Variants in RPA1 observed in about 807,000 individuals in gnomAD.
RPA1 encodes the protein replication protein A1, also known as replication protein A 70 kDa DNA-binding subunit.
Under a neutral mutation model 83.0 loss-of-function variants are expected in RPA1, and 49 were observed. The observed-to-expected ratio is 0.59, with a 90% CI of 0.47 to 0.75. The LOEUF (loss-of-function observed/expected upper bound fraction) is 0.75. Ranked by LOEUF, RPA1 falls within the 30% of genes least tolerant of loss-of-function variation. The probability of loss-of-function intolerance (pLI) is 0.00; values close to 1 mark genes in which losing one functional copy is unlikely to be tolerated. For missense variants in RPA1, 693 were observed against 776.1 expected (o/e 0.89, Z 1.27); for synonymous variants, 279 against 281.8 (o/e 0.99, Z 0.10).
chr17:1,886,172 A>G (rs1001829383), intron 13 of RPA1, among the ~76,000 whole-genome samples: 6 of 152,214 alleles, frequency 3.9e-5, no homozygotes, highest in African/African-American at 1.4e-4. Context: ...GAACAGGTGC[A>G]TTGTCAATGA....
intron 12 of RPA1, among the ~76,000 whole-genome samples, chr17:1,881,632 C>T (rs960493868): frequency 2.6e-5 from 4 of 152,146 alleles, no homozygotes; most frequent in African/African-American, 9.7e-5. Flanking sequence ...CTCTGGAGTT[C>T]GACTCCAGGT....
At chr17:1,889,335 A>AT (rs11393139) in intron 14 of RPA1, among the ~76,000 whole-genome samples, 117,386 of 146,914 alleles carry the variant, frequency 0.8, 47,911 homozygotes, top group Non-Finnish European at 0.9. Flanking sequence ...GTTTAAAAAA[A>AT]TTTTTTTTTT....
chr17:1,898,445 A>AT lies in RPA1; in HGVS notation c.*1271dup, dbSNP rs1166926627. The AT allele has an allele frequency of 6.6e-6, 1 of 152,382 alleles. No individual in the cohort carries two copies. The highest frequency in any genetic ancestry group is 6.5e-5 in the Admixed American group (1 of 15,310). The allele number at this position is 152,382 out of a possible 1,614,324, so 9.4% of individuals were successfully genotyped here. Reference sequence around the variant, plus strand: ...ATGCTCGCTCTGTGTGTTCCTAATCATATTAATTATCTATCCGGTGGCTGC... The same window carrying AT: ...ATGCTCGCTCTGTGTGTTCCTAATCATTATTAATTATCTATCCGGTGGCTGC... On this transcript the variant is annotated 3_prime_UTR_variant, in exon 17 of 17. Transcript: ENST00000254719.
chr17:1,892,067 C>T (rs548718874), intron 15 of RPA1, 127 bp downstream of exon 15: 8 of 514,404 alleles, frequency 1.6e-5, no homozygotes, highest in African/African-American at 3.9e-5. Flanking sequence ...AGTGCAGTGG[C>T]GCGATCTCAG....
At chr17:1,873,859 G>T (rs1913469482) in intron 6 of RPA1, among the ~76,000 whole-genome samples, 1 of 151,572 alleles carries the variant, frequency 6.6e-6, no homozygotes, top group Admixed American at 6.6e-5. Context: ...CGGGCATGGT[G>T]GTGTGCACCT....
chr17:1,858,296 A>G, intron 5 of RPA1: 2 of 1,610,954 alleles, frequency 1.2e-6, no homozygotes, highest in Non-Finnish European at 1.7e-6. Context: ...GACATGCCAA[A>G]AAGAGAGACC....
In RPA1 at chr17:1,842,836, C is replaced by G. The variant is rs1448087108; in HGVS notation, c.67C>G (p.Pro23Ala). ...GCAGAAGGGGGATACAAACATAAAG[C>G]CCATCCTCCAAGTCATCGTAAGTAC... ...IMQKGDTNIK[P>A]ILQVINIRPI... is the part of the protein sequence containing the mutation. The change falls in exon 2 of 17, where the codon CCC becomes GCC. Residue 23 changes from proline (P) to alanine (A), a missense_variant. Transcript: ENST00000254719. 1.2e-6 allele frequency: 2 copies of G among 1,614,082 alleles called. No individual in the cohort carries two copies. Among genetic ancestry groups the G allele is most frequent in the East Asian group, 4.5e-5 (2 of 44,876 alleles).
At chr17:1,889,602 A>G (rs1914129061) in intron 14 of RPA1, among the ~76,000 whole-genome samples, 1 of 152,034 alleles carries the variant, frequency 6.6e-6, no homozygotes, top group Non-Finnish European at 1.5e-5. Context: ...CAGCCTTCCA[A>G]AGTGCTGGCA....
chr17:1,880,131 G>T (rs1285711205), intron 11 of RPA1, among the ~76,000 whole-genome samples: 2 of 151,340 alleles, frequency 1.3e-5, no homozygotes, highest in African/African-American at 4.9e-5. Flanking sequence ...CACAGGAGGA[G>T]CTCCTGGGGT....
chr17:1,892,486 C>T (rs1006492483), intron 15 of RPA1, among the ~76,000 whole-genome samples: 2 of 152,220 alleles, frequency 1.3e-5, no homozygotes, highest in African/African-American at 4.8e-5. Context: ...AACCAAAGCA[C>T]TTTCTAAATC....
At chr17:1,873,450 G>A (rs1567818270) in intron 6 of RPA1, among the ~76,000 whole-genome samples, 2 of 151,914 alleles carry the variant, frequency 1.3e-5, no homozygotes, top group Non-Finnish European at 1.5e-5. Flanking sequence ...TTTCTGTCAC[G>A]GCTTCACATA....
chr17:1,873,847 A>G (rs1410415261), intron 6 of RPA1, among the ~76,000 whole-genome samples: 2 of 151,402 alleles, frequency 1.3e-5, no homozygotes, highest in Non-Finnish European at 1.5e-5. Flanking sequence ...ACAAAAATTA[A>G]TCGGGCATGG....
intron 4 of RPA1, among the ~76,000 whole-genome samples, chr17:1,847,709 A>G (rs566634832): frequency 3.9e-5 from 6 of 152,242 alleles, no homozygotes; most frequent in South Asian, 4.1e-4. Flanking sequence ...TACTAATTAT[A>G]CTCATAAATG....
chr17:1,899,129 CA>C lies in RPA1; in HGVS notation c.*1955del, dbSNP rs1046004910. ...GTCTCCGTGGATGTGATTGGGAACC[CA>C]GGGGCAGTGCCAGGGGGAGGGCTCC... On this transcript the variant is annotated 3_prime_UTR_variant, in exon 17 of 17. Transcript: ENST00000254719. 1.3e-5 allele frequency: 2 copies of C among 152,856 alleles called. No individual in the cohort carries two copies. Among genetic ancestry groups the C allele is most frequent in the African/African-American group, 4.8e-5 (2 of 41,458 alleles). The allele number at this position is 152,856 out of a possible 1,614,324, so 9.5% of individuals were successfully genotyped here.
In RPA1 at chr17:1,882,377, C is replaced by T. The variant is rs539977197; in HGVS notation, c.1242-1435C>T. ...GCTCTGGTTTATAAAATCTTTTGGGCCAGGCACGGTGGCTCATACCTTAAT... is the reference window on the plus strand; with the variant it reads ...GCTCTGGTTTATAAAATCTTTTGGGTCAGGCACGGTGGCTCATACCTTAAT... On this transcript the variant is annotated intron_variant, in intron 12 of 16. Coordinates refer to ENST00000254719, the MANE Select transcript of RPA1 (RefSeq NM_002945.5). Among the ~76,000 whole-genome samples, 13 of 152,166 alleles carry T rather than the reference C, an allele frequency of 8.5e-5. 1 individual carries two copies. In the South Asian group the frequency reaches 2.7e-3, roughly 32 times the overall value.
At chr17:1,864,266 G>A (rs1913096408) in intron 5 of RPA1, among the ~76,000 whole-genome samples, 1 of 152,254 alleles carries the variant, frequency 6.6e-6, no homozygotes, top group African/African-American at 2.4e-5. Flanking sequence ...GCGGGGCATA[G>A]TGGCCCATGC....
At position 1,854,957 on chromosome 17, in the gene RPA1, C is replaced by T. The variant is rs148764761; in HGVS notation, c.361+1768C>T. Reference sequence around the variant, plus strand: ...CTTGTTCCTGATCTCAGGGAGAAAGCGTTCAGACTTTCACCATTAAATGTC... The same window carrying T: ...CTTGTTCCTGATCTCAGGGAGAAAGTGTTCAGACTTTCACCATTAAATGTC... On this transcript the variant is annotated intron_variant, in intron 5 of 16. Coordinates refer to ENST00000254719, the MANE Select transcript of RPA1 (RefSeq NM_002945.5). Among the ~76,000 whole-genome samples the T allele has an allele frequency of 6.6e-5, 10 of 152,280 alleles. No individual in the cohort carries two copies. The East Asian group carries it at 1.7e-3, about 26-fold the overall frequency.
chr17:1,853,743 G>A (rs997524199), intron 5 of RPA1, among the ~76,000 whole-genome samples: 1 of 152,096 alleles, frequency 6.6e-6, no homozygotes, highest in African/African-American at 2.4e-5. Flanking sequence ...AAAAAATCTA[G>A]GATATCACAG....
At chr17:1,880,446 T>C (rs1913745449) in intron 11 of RPA1, 97 bp from the exon 12 acceptor site, 2 of 1,308,788 alleles carry the variant, frequency 1.5e-6, no homozygotes, top group Admixed American at 1.9e-5. Context: ...GCTGATTACA[T>C]TCACTCTACT....
Sources: gnomAD v4.1 joint callset for allele counts (sites outside exome capture counted in the v4.1 genomes callset) on GRCh38, gnomAD v4.1.1 for gene constraint, MANE v1.5 for transcripts, NCBI Gene and HGNC (gene_info 2026-07-23, HGNC 2026-07-21) for gene names.